Variants in PMFBP1 observed in about 807,000 individuals in gnomAD.
PMFBP1 encodes the protein polyamine-modulated factor 1-binding protein 1.
Under a neutral mutation model 137.8 loss-of-function variants are expected in PMFBP1, and 131 were observed. The observed-to-expected ratio is 0.95, with a 90% CI of 0.82 to 1.10. The LOEUF is 1.10. PMFBP1 is among the 50% of genes least tolerant of loss of function. The pLI, the probability that PMFBP1 is intolerant of heterozygous loss-of-function variation, is 0.00. For missense variants in PMFBP1, 1,199 were observed against 1,175.4 expected, an observed-to-expected ratio of 1.02 and a Z score of -0.29; for synonymous variants, 490 against 450.4, an observed-to-expected ratio of 1.09 and a Z score of -1.11.
chr16:72,140,508 C>T lies in PMFBP1; in HGVS notation c.711G>A (p.Glu237=), dbSNP rs2144349830. 6.2e-7 allele frequency: 1 copy of T among 1,613,298 alleles called. No individual in the cohort carries two copies. Among genetic ancestry groups the T allele is most frequent in the Non-Finnish European group, 8.5e-7 (1 of 1,179,254 alleles). The change falls in exon 6 of 21, where the codon GAG becomes GAA. Residue 237 remains glutamate, a synonymous_variant. Transcript: ENST00000237353. The part of the protein sequence containing the change: ...TSPCMIQEHQ[E]TQKRLSEVWQ... ...AGACTTCAGACAGTCGTTTCTGAGT[C>T]TCCTGATGCTCTTGAATCATGCAAG...
chr16:72,243,222 A>C, the PMFBP1 span, among the ~76,000 whole-genome samples: 4 of 152,216 alleles, frequency 2.6e-5, no homozygotes, highest in South Asian at 8.3e-4. Flanking sequence ...TTCCATAAAC[A>C]ATTATTTTCC....
the PMFBP1 span, among the ~76,000 whole-genome samples, chr16:72,224,279 G>C: frequency 6.6e-6 from 1 of 151,968 alleles, no homozygotes; most frequent in African/African-American, 2.4e-5. Flanking sequence ...GCTCTTTCTT[G>C]TCTGAGCTCT....
the PMFBP1 span, among the ~76,000 whole-genome samples, chr16:72,206,577 T>A: frequency 5.9e-5 from 9 of 152,244 alleles, no homozygotes; most frequent in Non-Finnish European, 1.5e-5. Flanking sequence ...GTGATTATTG[T>A]TATTTCCATA....
In PMFBP1 at chr16:72,141,435, G is replaced by A. The variant is rs149188946; in HGVS notation, c.637-853C>T. Among the ~76,000 whole-genome samples the A allele has an allele frequency of 7.2e-5, 11 of 152,168 alleles. No individual in the cohort carries two copies. The East Asian group carries it at 1.5e-3, about 21-fold the overall frequency. The stretch of plus-strand genomic sequence containing the variant: ...GGCAGATCTGAATTTTTCTTTGACC[G>A]TCACTTCTAATTTCATTATCTCTCT... On this transcript the variant is annotated intron_variant, in intron 5 of 20. Transcript: ENST00000237353.
the PMFBP1 span, among the ~76,000 whole-genome samples, chr16:72,243,460 A>T: frequency 6.6e-6 from 1 of 152,222 alleles, no homozygotes; most frequent in Non-Finnish European, 1.5e-5. Flanking sequence ...AAATAGATTC[A>T]TTAAAACAAC....
chr16:72,218,965 A>G, the PMFBP1 span, among the ~76,000 whole-genome samples: 1 of 152,158 alleles, frequency 6.6e-6, no homozygotes, highest in Admixed American at 6.6e-5. Context: ...AAAGCCCCTC[A>G]TCATGTACTG....
the PMFBP1 span, among the ~76,000 whole-genome samples, chr16:72,228,741 T>C: frequency 2.0e-5 from 3 of 152,236 alleles, no homozygotes; most frequent in African/African-American, 7.2e-5. Context: ...GTCAAAAGGA[T>C]GACCACTTTT....
intron 3 of PMFBP1, among the ~76,000 whole-genome samples, chr16:72,160,733 G>C (rs2043049327): frequency 6.6e-6 from 1 of 152,112 alleles, no homozygotes; most frequent in Non-Finnish European, 1.5e-5. Context: ...AGTTAACACT[G>C]TCCGGGCCAT....
upstream of PMFBP1, among the ~76,000 whole-genome samples, chr16:72,176,314 CT>C (rs571414664): frequency 1.1e-4 from 17 of 152,304 alleles, no homozygotes; most frequent in South Asian, 2.3e-3. Flanking sequence ...ATGTCTCCCC[CT>C]GGCTCTCTTC....
At chr16:72,117,034 C>A (rs368450244), downstream of PMFBP1, among the ~76,000 whole-genome samples, 2,330 of 115,748 alleles carry the variant, frequency 0.02, no homozygotes, top group Middle Eastern at 0.031. Context: ...CCTATTTCTG[C>A]AAAAAAAAAA....
intron 5 of PMFBP1, among the ~76,000 whole-genome samples, chr16:72,146,366 G>T (rs1186265458): frequency 2.6e-5 from 4 of 152,134 alleles, no homozygotes; most frequent in Non-Finnish European, 5.9e-5. Context: ...GTATTGATGG[G>T]ATGTATCTCA....
At chr16:72,167,977 G>A (rs1262236948) in intron 2 of PMFBP1, among the ~76,000 whole-genome samples, 2 of 152,142 alleles carry the variant, frequency 1.3e-5, no homozygotes, top group Non-Finnish European at 2.9e-5. Flanking sequence ...TGAGTAGAAG[G>A]CCTGACAGCC....
Position 72,125,375 on chromosome 16 carries a change from G to A in PMFBP1, c.2284C>T (p.Leu762=). 6.2e-7 allele frequency: 1 copy of A among 1,612,862 alleles called. No homozygotes were observed. Among genetic ancestry groups the A allele is most frequent in the Middle Eastern group, 1.7e-4 (1 of 6,056 alleles). ...LNHVTSETKS[L]QQSLTQTQEK... Reference sequence around the variant, plus strand: ...TGGGTCTGTGTCAAGCTTTGCTGCAGGCTCTTTGTCTCTGAGGTCACGTGA... The same window carrying A: ...TGGGTCTGTGTCAAGCTTTGCTGCAAGCTCTTTGTCTCTGAGGTCACGTGA... The change falls in exon 16 of 21, where the codon CTG becomes TTG. Residue 762 remains leucine (L), a synonymous_variant. Transcript: ENST00000237353.
the PMFBP1 span, among the ~76,000 whole-genome samples, chr16:72,239,193 T>C: frequency 6.6e-6 from 1 of 152,148 alleles, no homozygotes; most frequent in East Asian, 1.9e-4. Context: ...AACGATAACA[T>C]GTTTCCATGT....
the PMFBP1 span, among the ~76,000 whole-genome samples, chr16:72,234,735 A>T: frequency 6.6e-6 from 1 of 152,176 alleles, no homozygotes; most frequent in Non-Finnish European, 1.5e-5. Flanking sequence ...TGAAGTCAAG[A>T]ACCTGAACTG....
the PMFBP1 span, among the ~76,000 whole-genome samples, chr16:72,235,677 T>A: frequency 6.6e-6 from 1 of 152,122 alleles, no homozygotes; most frequent in Non-Finnish European, 1.5e-5. Context: ...TCTTTCAAAA[T>A]GATTTGCAGT....
chr16:72,135,468 C>T (rs939047302), intron 9 of PMFBP1, among the ~76,000 whole-genome samples: 5 of 151,440 alleles, frequency 3.3e-5, no homozygotes, highest in Admixed American at 6.6e-5. Flanking sequence ...CCACCCACCT[C>T]GGCCTCCCAA....
intron 9 of PMFBP1, among the ~76,000 whole-genome samples, chr16:72,135,490 T>A (rs1465462172): frequency 6.6e-6 from 1 of 151,912 alleles, no homozygotes; most frequent in Non-Finnish European, 1.5e-5. Context: ...GTGCTGGGAT[T>A]ACAAGCGTGG....
At chr16:72,165,239 T>A (rs1225437958) in intron 2 of PMFBP1, among the ~76,000 whole-genome samples, 2 of 152,176 alleles carry the variant, frequency 1.3e-5, no homozygotes, top group Non-Finnish European at 2.9e-5. Context: ...TGTCTATAAA[T>A]ATTAATGGCT....
Sources: allele counts gnomAD v4.1 joint callset (sites outside exome capture counted in the v4.1 genomes callset), GRCh38; gene constraint gnomAD v4.1.1; transcripts MANE v1.5; gene names NCBI Gene and HGNC (gene_info 2026-07-23, HGNC 2026-07-21).